Variants in MRM1 observed in about 807,000 individuals in gnomAD.
MRM1 encodes the protein mitochondrial rRNA methyltransferase 1, also known as rRNA methyltransferase 1, mitochondrial.
MRM1 carries 24 observed loss-of-function variants against 25.0 expected under a neutral mutation model. The ratio of observed to expected loss-of-function variants is 0.96; its 90% CI spans 0.69 to 1.35. The LOEUF is 1.35. Ranked by LOEUF, MRM1 falls within the 40% of genes most tolerant of loss-of-function variation. The pLI, the probability that MRM1 is intolerant of heterozygous loss-of-function variation, is 0.00. For synonymous variants in MRM1, 188 were observed against 199.2 expected (o/e 0.94, Z 0.47); for missense variants, 431 against 464.1 (o/e 0.93, Z 0.65).
At chr17:36,610,293 C>G (rs1156397739), downstream of MRM1, among the ~76,000 whole-genome samples, 1 of 150,014 alleles carries the variant, frequency 6.7e-6, no homozygotes, top group African/African-American at 2.5e-5. Context: ...AGTGCAGTGG[C>G]GCGATCTCGG....
rs2142830791 is a variant in MRM1, at chr17:36,602,136, C to T, written c.326C>T (p.Thr109Ile). Reference sequence around the variant, plus strand: ...CGGCCCAGACGGCAGAAACTGGACACAATGTGCCGCTACCAGGTCCACCAG... The same window carrying T: ...CGGCCCAGACGGCAGAAACTGGACATAATGTGCCGCTACCAGGTCCACCAG... The part of the protein sequence containing the change: ...VLRPRRQKLD[T>I]MCRYQVHQGV... The change falls in exon 1 of 5, where the codon ACA (threonine) becomes ATA (isoleucine). Residue 109 changes from threonine to isoleucine, a missense_variant. Physicochemically the swap from Thr to Ile is moderately conservative, Grantham distance 89. Coordinates refer to ENST00000614766, the MANE Select transcript of MRM1 (RefSeq NM_024864.5). This position sits in a 1 kb window ranked among gnomAD's most constrained non-coding sequence, Gnocchi z 4.1. The T allele has an allele frequency of 5.6e-6, 9 of 1,613,002 alleles. No individual in the cohort carries two copies. The highest frequency in any genetic ancestry group is 7.6e-6 in the Non-Finnish European group (9 of 1,179,758).
chr17:36,605,410 G>A (rs1714063585), intron 2 of MRM1, among the ~76,000 whole-genome samples: 1 of 151,148 alleles, frequency 6.6e-6, no homozygotes. Flanking sequence ...CTGGCTTCAA[G>A]AAGTCCTCCT....
Position 36,601,602 on chromosome 17 carries a change from C to T in MRM1, c.-209C>T, listed in dbSNP as rs1450524140. On this transcript the variant is annotated 5_prime_UTR_variant, in exon 1 of 5. Transcript: ENST00000614766. ...GCTCCCGAACCCGGAAGCGAGGGAC[C>T]CACGTGGGAGCCTGGGAGCGGGTGG... 4 of 482,366 alleles carry T rather than the reference C, an allele frequency of 8.3e-6. No homozygotes were observed. Among genetic ancestry groups the T allele is most frequent in the Non-Finnish European group, 1.4e-5 (4 of 283,546 alleles). The allele number at this position is 482,366 out of a possible 1,614,324, so 29.9% of individuals were successfully genotyped here.
At chr17:36,622,285 C>T in the MRM1 span, among the ~76,000 whole-genome samples, 4 of 152,162 alleles carry the variant, frequency 2.6e-5, no homozygotes, top group East Asian at 5.8e-4. Flanking sequence ...GTGGAAGAGA[C>T]TTCAGACTGG....
At chr17:36,618,803 C>A in the MRM1 span, among the ~76,000 whole-genome samples, 1 of 152,206 alleles carries the variant, frequency 6.6e-6, no homozygotes, top group Non-Finnish European at 1.5e-5. Flanking sequence ...TAGGTTCTAT[C>A]ATTACCCTGT....
chr17:36,628,245 C>T, the MRM1 span, among the ~76,000 whole-genome samples: 12 of 152,332 alleles, frequency 7.9e-5, no homozygotes, highest in African/African-American at 2.9e-4. Flanking sequence ...GCCTTGGCCT[C>T]TCAAAGTGCT....
chr17:36,620,040 G>A, the MRM1 span, among the ~76,000 whole-genome samples: 6 of 151,974 alleles, frequency 3.9e-5, no homozygotes, highest in African/African-American at 1.5e-4. Context: ...TTTTACATCA[G>A]GTTGTTTACT....
chr17:36,608,656 A>G lies in MRM1; in HGVS notation c.*241A>G, dbSNP rs556068458. ...TTTCCATGGGAAGCCATGATGGCCT[A>G]GCATGGAGGGAATCTGTTCCCAGGC... On this transcript the variant is annotated 3_prime_UTR_variant, in exon 5 of 5. Transcript: ENST00000614766. 5 of 402,456 alleles carry G rather than the reference A, an allele frequency of 1.2e-5. No individual in the cohort carries two copies. Among genetic ancestry groups the G allele is most frequent in the African/African-American group, 8.2e-5 (4 of 48,856 alleles). The allele number at this position is 402,456 out of a possible 1,614,324, so 24.9% of individuals were successfully genotyped here. A position where few individuals can be genotyped will look rare whatever the true frequency, so the allele number is the denominator to read the frequency against.
the MRM1 span, among the ~76,000 whole-genome samples, chr17:36,629,409 T>A: frequency 2.6e-5 from 4 of 152,100 alleles, no homozygotes; most frequent in African/African-American, 9.7e-5. Context: ...GCCAAGTGGG[T>A]GAGCTGCGGC....
intron 2 of MRM1, among the ~76,000 whole-genome samples, chr17:36,607,212 G>A (rs1042998523): frequency 1.3e-5 from 2 of 151,936 alleles, no homozygotes; most frequent in Admixed American, 6.5e-5. Context: ...ACCGTGCCTG[G>A]GCCAGGCTAG....
chr17:36,629,118 T>C, the MRM1 span, among the ~76,000 whole-genome samples: 3 of 152,178 alleles, frequency 2.0e-5, no homozygotes, highest in African/African-American at 7.2e-5. Context: ...TATGGCCGAT[T>C]TAGAAAGTTT....
downstream of MRM1, among the ~76,000 whole-genome samples, chr17:36,610,423 G>C (rs992556789): frequency 2.0e-5 from 3 of 152,022 alleles, no homozygotes; most frequent in Non-Finnish European, 4.4e-5. Context: ...TCATAGAGAC[G>C]GGGTTTCACC....
intron 2 of MRM1, among the ~76,000 whole-genome samples, chr17:36,604,522 G>A (rs908126506): frequency 2.6e-5 from 4 of 152,108 alleles, no homozygotes; most frequent in African/African-American, 9.7e-5. Context: ...AAGAGATGGG[G>A]TCAGCTGGGC....
the MRM1 span, among the ~76,000 whole-genome samples, chr17:36,620,518 C>A: frequency 6.6e-6 from 1 of 152,152 alleles, no homozygotes; most frequent in African/African-American, 2.4e-5. Context: ...TAGCAAGATT[C>A]CAGAAGTGGA....
the MRM1 span, among the ~76,000 whole-genome samples, chr17:36,623,631 G>GCACTCCAGCTCCTATGCTGGGAC: frequency 6.6e-6 from 1 of 152,166 alleles, no homozygotes; most frequent in African/African-American, 2.4e-5. Flanking sequence ...GAGGGTGGGG[G>GCACTCCAGCTCCTATGCTGGGAC]CACTCCAGCT....
At chr17:36,630,355 A>G in the MRM1 span, among the ~76,000 whole-genome samples, 1 of 151,998 alleles carries the variant, frequency 6.6e-6, no homozygotes, top group African/African-American at 2.4e-5. Context: ...AGATGTCCAC[A>G]TTTTCCCTGT....
chr17:36,615,270 C>T, the MRM1 span, among the ~76,000 whole-genome samples: 5 of 152,292 alleles, frequency 3.3e-5, no homozygotes, highest in African/African-American at 7.2e-5. Flanking sequence ...CCCTTCTCCC[C>T]CTTCGGGCTC....
downstream of MRM1, among the ~76,000 whole-genome samples, chr17:36,610,804 T>C (rs567470173): frequency 1.3e-5 from 2 of 152,158 alleles, no homozygotes; most frequent in Admixed American, 6.5e-5. Context: ...GAAGGAGCCA[T>C]GTGTTGGTTT....
At chr17:36,610,375 GGCGCCC>G (rs2074969230), downstream of MRM1, among the ~76,000 whole-genome samples, 1 of 152,040 alleles carries the variant, frequency 6.6e-6, no homozygotes, top group African/African-American at 2.4e-5. Flanking sequence ...TGGGACTACA[GGCGCCC>G]GCCACCAAGC....
Sources: allele counts gnomAD v4.1 joint callset (sites outside exome capture counted in the v4.1 genomes callset), GRCh38; gene constraint gnomAD v4.1.1; non-coding constraint Gnocchi (gnomAD v3.1); transcripts MANE v1.5; gene names NCBI Gene and HGNC (gene_info 2026-07-23, HGNC 2026-07-21).